The following NAV1 variants were observed in gnomAD, a reference collection of about 807,000 sequenced individuals.
NAV1 encodes pore membrane and/or filament interacting like protein 3.
NAV1 carries 18 observed loss-of-function variants against 175.2 expected under a neutral mutation model. The observed-to-expected ratio is 0.10, with a 90% CI of 0.07 to 0.15. The LOEUF (loss-of-function observed/expected upper bound fraction) is 0.15. Ranked by LOEUF, NAV1 falls within the 10% of genes least tolerant of loss-of-function variation. The pLI is 1.00. For synonymous variants in NAV1, 897 were observed against 978.7 expected, an observed-to-expected ratio of 0.92 and a Z score of 1.56; for missense variants, 1,731 against 2,436.6, an observed-to-expected ratio of 0.71 and a Z score of 6.10.
chr1:201,810,304 GCTT>G lies in NAV1; in HGVS notation c.4561+203_4561+205del, dbSNP rs1303306063. ...CCAGGGACACTTTTGCTAAGCCTTG[GCTT>G]CTTGCTTCACTCCTCACCCCCAGCT... On this transcript the variant is annotated intron_variant, in intron 23 of 29. Coordinates refer to ENST00000367296, the Ensembl canonical transcript of NAV1. The surrounding 1 kb of genome is among the most constrained non-coding windows in gnomAD (Gnocchi z 6.0). 1.3e-5 allele frequency among the ~76,000 whole-genome samples: 2 copies of G among 152,024 alleles called. No homozygotes were observed. Among genetic ancestry groups the G allele is most frequent in the Non-Finnish European group, 2.9e-5 (2 of 68,004 alleles).
intron 1 of NAV1, among the ~76,000 whole-genome samples, chr1:201,678,526 G>T (rs7523519): frequency 0.32 from 48,922 of 152,042 alleles, 8,247 homozygotes; most frequent in Admixed American, 0.45. Context: ...GCCACAGCCA[G>T]GATTTGAAAC....
At chr1:201,601,054 G>T (rs540875991) in intron 2 of NAV1, among the ~76,000 whole-genome samples, 2 of 152,212 alleles carry the variant, frequency 1.3e-5, no homozygotes, top group African/African-American at 4.8e-5. Context: ...GCAGTCACCC[G>T]TCTCATCTAG....
intron 8 of NAV1, among the ~76,000 whole-genome samples, chr1:201,785,788 CTT>C (rs34841837): frequency 1.6e-3 from 158 of 99,538 alleles, no homozygotes; most frequent in African/African-American, 5.8e-3. Flanking sequence ...ACTATTGCAA[CTT>C]TTTTTTTTTT....
intron 15 of NAV1, chr1:201,797,284 C>G (rs1677515533): frequency 6.6e-6 from 1 of 152,188 alleles, no homozygotes; most frequent in South Asian, 2.1e-4. Flanking sequence ...AATCAATTGA[C>G]TATACATATA....
intron 2 of NAV1, among the ~76,000 whole-genome samples, chr1:201,600,363 T>C (rs1667480960): frequency 6.6e-6 from 1 of 152,230 alleles, no homozygotes; most frequent in Admixed American, 6.5e-5. Context: ...ACTTCTCCTT[T>C]TCCCCTGAAG....
At chr1:201,734,420 AAAGAAGAAGAAGAGG>A in intron 3 of NAV1, among the ~76,000 whole-genome samples, 1 of 149,630 alleles carries the variant, frequency 6.7e-6, no homozygotes, top group African/African-American at 2.5e-5. Context: ...AAAAAGAAAA[AAAGAAGAAGAAGAGG>A]AAGAAGAAGA....
chr1:201,623,834 C>T (rs902836705), intron 1 of NAV1, among the ~76,000 whole-genome samples: 1 of 152,230 alleles, frequency 6.6e-6, no homozygotes, highest in Non-Finnish European at 1.5e-5. Context: ...TCTGATCTTT[C>T]TCGACTGTGG....
At chr1:201,556,372 C>T (rs545961955) in intron 1 of NAV1, among the ~76,000 whole-genome samples, 16 of 151,488 alleles carry the variant, frequency 1.1e-4, no homozygotes, top group African/African-American at 2.9e-4. Flanking sequence ...GAGCTGAGAT[C>T]GCACCACTGC....
Position 201,810,142 on chromosome 1 carries a change from T to A in NAV1, c.4561+37T>A. 6.2e-7 allele frequency: 1 copy of A among 1,608,446 alleles called. No homozygotes were observed. Among genetic ancestry groups the A allele is most frequent in the South Asian group, 1.1e-5 (1 of 90,748 alleles). ...TCTCTTGGGGTGAGGTGGTGTGGCA[T>A]GAAGGCAGGGACAGGATCATCAAAT... On this transcript the variant is annotated intron_variant, in intron 23 of 29. Coordinates refer to ENST00000367296, the Ensembl canonical transcript of NAV1. The surrounding 1 kb of genome is among the most constrained non-coding windows in gnomAD (Gnocchi z 6.0).
chr1:201,612,482 T>A (rs1476114110), intron 2 of NAV1, among the ~76,000 whole-genome samples: 1 of 151,892 alleles, frequency 6.6e-6, no homozygotes, highest in Non-Finnish European at 1.5e-5. Context: ...AAATGAAACG[T>A]CAGAAATTTA....
chr1:201,616,102 A>C (rs2102265248), intron 2 of NAV1, among the ~76,000 whole-genome samples: 1 of 152,212 alleles, frequency 6.6e-6, no homozygotes, highest in Non-Finnish European at 1.5e-5. Flanking sequence ...TCTGTTCATT[A>C]ACTAACTTAC....
chr1:201,814,238 T>C (rs1678882579), intron 28 of NAV1, among the ~76,000 whole-genome samples: 1 of 151,716 alleles, frequency 6.6e-6, no homozygotes, highest in Non-Finnish European at 1.5e-5. Context: ...GGCATGGTGG[T>C]GCACACCTGT....
chr1:201,812,440 C>A lies in NAV1; in HGVS notation c.5025-25C>A. Reference sequence around the variant, plus strand: ...CAATGTCCCCATTGCCACTCTGACCCCACTTTCCCCATCCTTGGTGGCAGG... The same window carrying A: ...CAATGTCCCCATTGCCACTCTGACCACACTTTCCCCATCCTTGGTGGCAGG... On this transcript the variant is annotated intron_variant, in intron 26 of 29. Coordinates refer to ENST00000367296, the Ensembl canonical transcript of NAV1. This position sits in a 1 kb window ranked among gnomAD's most constrained non-coding sequence, Gnocchi z 4.6. The A allele has an allele frequency of 6.2e-7, 1 of 1,612,666 alleles. No homozygotes were observed. Among genetic ancestry groups the A allele is most frequent in the African/African-American group, 1.3e-5 (1 of 75,032 alleles).
At chr1:201,612,870 T>C (rs1173491825) in intron 2 of NAV1, among the ~76,000 whole-genome samples, 1 of 152,086 alleles carries the variant, frequency 6.6e-6, no homozygotes, top group African/African-American at 2.4e-5. Context: ...TGTGTCACTA[T>C]GTGTGTATGG....
In NAV1 at chr1:201,783,413, G is replaced by T. The variant is rs548098028; in HGVS notation, c.2365G>T (p.Ala789Ser). The T allele has an allele frequency of 2.3e-5, 37 of 1,613,598 alleles. No individual in the cohort carries two copies. In the South Asian group the frequency reaches 3.8e-4, roughly 17 times the overall value. Residue 789 changes from alanine to serine, a missense_variant, in exon 7 of 30, where the codon GCG (alanine) becomes TCG (serine). Coordinates refer to ENST00000367296, the Ensembl canonical transcript of NAV1. ...CGTTTGATCTTCTCTCAGGGCCACA[G>T]CGAAGAGCTTTGTCAAACCACCCTC...
chr1:201,652,887 A>G (rs1024700912), intron 1 of NAV1, among the ~76,000 whole-genome samples: 22 of 152,182 alleles, frequency 1.4e-4, no homozygotes, highest in Admixed American at 8.5e-4. Flanking sequence ...CATTGAATAC[A>G]CCTCACGTAC....
chr1:201,803,149 C>A (rs1450441441), intron 15 of NAV1, among the ~76,000 whole-genome samples: 1 of 152,182 alleles, frequency 6.6e-6, no homozygotes, highest in Non-Finnish European at 1.5e-5. Flanking sequence ...AACTGAAGCT[C>A]TTTCAGGTGG....
chr1:201,748,501 C>T (rs1028818099), intron 3 of NAV1, among the ~76,000 whole-genome samples: 3 of 152,328 alleles, frequency 2.0e-5, no homozygotes, highest in African/African-American at 7.2e-5. Flanking sequence ...GCCTCAGAAC[C>T]TCAGGGGGCA....
intron 2 of NAV1, among the ~76,000 whole-genome samples, chr1:201,596,155 T>G (rs1199492136): frequency 6.6e-6 from 1 of 152,238 alleles, no homozygotes; most frequent in East Asian, 1.9e-4. Context: ...ATGAAATGAG[T>G]TGATACACAT....
Sources: allele counts gnomAD v4.1 joint callset (sites outside exome capture counted in the v4.1 genomes callset), GRCh38; gene constraint gnomAD v4.1.1; non-coding constraint Gnocchi (gnomAD v3.1); transcripts MANE v1.5; gene names NCBI Gene and HGNC (gene_info 2026-07-23, HGNC 2026-07-21).